R3HCC1L: variants seen among roughly 807,000 people sequenced by gnomAD.
R3HCC1L encodes coiled-coil domain-containing protein R3HCC1L.
R3HCC1L carries 51 observed loss-of-function variants against 59.9 expected under a neutral mutation model. The observed-to-expected ratio is 0.85, with a 90% CI of 0.68 to 1.07. R3HCC1L has a LOEUF of 1.07. Ranked by LOEUF, R3HCC1L falls within the 50% of genes least tolerant of loss-of-function variation. R3HCC1L has a pLI of 0.00. For synonymous variants in R3HCC1L, 322 were observed against 315.2 expected, an observed-to-expected ratio of 1.02 and a Z score of -0.23; for missense variants, 965 against 933.0, an observed-to-expected ratio of 1.03 and a Z score of -0.45.
intron 4 of R3HCC1L, chr10:98,174,821 A>T (rs1351979242): frequency 1.1e-6 from 1 of 938,744 alleles, no homozygotes; most frequent in Non-Finnish European, 1.3e-6. Context: ...TTGAGTGAGA[A>T]AGTCTAGAAA....
intron 4 of R3HCC1L, among the ~76,000 whole-genome samples, chr10:98,206,025 G>A (rs1199457033): frequency 6.6e-6 from 1 of 152,078 alleles, no homozygotes; most frequent in Non-Finnish European, 1.5e-5. Flanking sequence ...GACTTCTGGA[G>A]AAACATAGAA....
chr10:98,243,229 T>C (rs1446532644), intron 9 of R3HCC1L, among the ~76,000 whole-genome samples: 1 of 152,228 alleles, frequency 6.6e-6, no homozygotes, highest in Admixed American at 6.5e-5. Flanking sequence ...CATGACTTGC[T>C]AAACCTTATA....
At chr10:98,192,479 C>T (rs1590645853) in intron 4 of R3HCC1L, among the ~76,000 whole-genome samples, 1 of 152,118 alleles carries the variant, frequency 6.6e-6, no homozygotes, top group Middle Eastern at 3.4e-3. Flanking sequence ...CAACTGATGC[C>T]ACAGAAATAC....
intron 4 of R3HCC1L, among the ~76,000 whole-genome samples, chr10:98,186,160 T>C (rs1365816153): frequency 2.6e-5 from 4 of 152,156 alleles, no homozygotes; most frequent in African/African-American, 9.7e-5. Flanking sequence ...TTATCGTTTA[T>C]GTATGGCCCA....
intron 4 of R3HCC1L, among the ~76,000 whole-genome samples, 173 bp downstream of exon 4, chr10:98,163,570 A>T (rs2134212131): frequency 6.6e-6 from 1 of 152,320 alleles, no homozygotes; most frequent in African/African-American, 2.4e-5. Flanking sequence ...AGATTTTCTT[A>T]CTTCTATTTA....
chr10:98,228,114 G>T (rs1402957617), intron 5 of R3HCC1L, among the ~76,000 whole-genome samples: 2 of 152,190 alleles, frequency 1.3e-5, no homozygotes, highest in Non-Finnish European at 2.9e-5. Context: ...GGATGGCTGG[G>T]TCAAAATGGT....
At chr10:98,168,200 C>T (rs1197388720) in intron 4 of R3HCC1L, among the ~76,000 whole-genome samples, 3 of 152,136 alleles carry the variant, frequency 2.0e-5, no homozygotes, top group Non-Finnish European at 4.4e-5. Context: ...TTCTCTCTAC[C>T]TTTGTATTAC....
chr10:98,240,133 C>G (rs1296144258), intron 9 of R3HCC1L, among the ~76,000 whole-genome samples: 2 of 152,116 alleles, frequency 1.3e-5, no homozygotes, highest in Admixed American at 6.5e-5. Context: ...TGGTGAAACC[C>G]TGTCTCTACT....
chr10:98,213,085 T>A (rs1172760696), intron 5 of R3HCC1L, among the ~76,000 whole-genome samples: 1 of 152,164 alleles, frequency 6.6e-6, no homozygotes, highest in African/African-American at 2.4e-5. Flanking sequence ...ATGGTGTCCA[T>A]GTTAAGTGGA....
chr10:98,236,053 G>A lies in R3HCC1L; in HGVS notation c.2158G>A (p.Glu720Lys), dbSNP rs1590839514. Reference protein sequence around the residue: ...EFLQPAKERPETSAALARRLV... With the variant: ...EFLQPAKERPKTSAALARRLV... The stretch of plus-strand genomic sequence containing the variant: ...CCTCCAGCCAGCAAAGGAGCGTCCT[G>A]AGACTTCAGCAGCCCTAGCCAGAAG... Residue 720 changes from glutamate (E) to lysine (K), a missense_variant, in exon 9 of 10, where the codon GAG (glutamate) becomes AAG (lysine). Coordinates refer to ENST00000298999, the MANE Select transcript of R3HCC1L (RefSeq NM_001351015.2). 2.5e-6 allele frequency: 4 copies of A among 1,613,940 alleles called. No individual in the cohort carries two copies. The highest frequency in any genetic ancestry group is 2.7e-5 in the African/African-American group (2 of 75,018).
At chr10:98,162,183 C>T (rs539583149) in intron 2 of R3HCC1L, among the ~76,000 whole-genome samples, 7 of 151,758 alleles carry the variant, frequency 4.6e-5, no homozygotes, top group African/African-American at 1.7e-4. Context: ...GTGGATGTAC[C>T]ATAATTTATT....
chr10:98,173,899 C>T (rs1049196169), intron 4 of R3HCC1L, among the ~76,000 whole-genome samples: 13 of 152,262 alleles, frequency 8.5e-5, no homozygotes, highest in East Asian at 3.9e-4. Context: ...GAGTATCTAA[C>T]GTGTTTTTAC....
intron 4 of R3HCC1L, among the ~76,000 whole-genome samples, chr10:98,194,936 TATC>T (rs1851263213): frequency 6.6e-6 from 1 of 152,130 alleles, no homozygotes; most frequent in East Asian, 1.9e-4. Context: ...AAAATAGAAC[TATC>T]ATATAAGCCA....
intron 5 of R3HCC1L, among the ~76,000 whole-genome samples, chr10:98,228,918 C>A (rs1029633430): frequency 6.6e-6 from 1 of 152,058 alleles, no homozygotes; most frequent in African/African-American, 2.4e-5. Context: ...ATTTCTGAGG[C>A]CTCTGTTCTG....
At chr10:98,178,658 T>A (rs932834850) in intron 4 of R3HCC1L, among the ~76,000 whole-genome samples, 1 of 152,214 alleles carries the variant, frequency 6.6e-6, no homozygotes, top group South Asian at 2.1e-4. Flanking sequence ...CCTTGGGCAG[T>A]ATGGCCATTT....
chr10:98,236,353 G>A (rs905506951), intron 9 of R3HCC1L, among the ~76,000 whole-genome samples, 189 bp downstream of exon 9: 5 of 152,044 alleles, frequency 3.3e-5, no homozygotes, highest in Non-Finnish European at 7.4e-5. Context: ...CCTGTTTCAC[G>A]CACCAAGACA....
intron 4 of R3HCC1L, among the ~76,000 whole-genome samples, chr10:98,170,606 G>C (rs1006368579): frequency 2.0e-5 from 3 of 152,158 alleles, no homozygotes; most frequent in African/African-American, 2.4e-5. Context: ...GATTGCCTGC[G>C]TGAGCCACTG....
chr10:98,199,465 T>G (rs1483601815), intron 4 of R3HCC1L, among the ~76,000 whole-genome samples: 1 of 152,050 alleles, frequency 6.6e-6, no homozygotes, highest in East Asian at 1.9e-4. Flanking sequence ...ATTACAAGAA[T>G]ACTGCCTGTT....
chr10:98,208,683 G>A lies in R3HCC1L; in HGVS notation c.569G>A (p.Arg190Lys). The change falls in exon 5 of 10, where the codon AGG becomes AAG. Residue 190 changes from arginine to lysine, a missense_variant. Arg to Lys is a conservative substitution (Grantham distance 26). Coordinates refer to ENST00000298999, the MANE Select transcript of R3HCC1L (RefSeq NM_001351015.2). ...AATGTGGAATTCTGTGACTTCAGTA[G>A]GCATGAACCTGATGGGGAAGCATTT... is the stretch of plus-strand genomic sequence containing the variant. ...FQNVEFCDFS[R>K]HEPDGEAFED... The A allele has an allele frequency of 6.2e-7, 1 of 1,614,136 alleles. No homozygotes were observed. Among genetic ancestry groups the A allele is most frequent in the Non-Finnish European group, 8.5e-7 (1 of 1,180,014 alleles).
Sources: allele counts gnomAD v4.1 joint callset (sites outside exome capture counted in the v4.1 genomes callset), GRCh38; gene constraint gnomAD v4.1.1; transcripts MANE v1.5; gene names NCBI Gene and HGNC (gene_info 2026-07-23, HGNC 2026-07-21).